Variants in P4HTM observed in about 807,000 individuals in gnomAD.
P4HTM encodes the protein transmembrane prolyl 4-hydroxylase.
Under a neutral mutation model 55.3 loss-of-function variants are expected in P4HTM, and 33 were observed. That is an observed-to-expected ratio of 0.60 (90% CI 0.45 to 0.80). The LOEUF is 0.80. Among genes scored for constraint, P4HTM ranks in the 30% least tolerant of loss-of-function variants. The pLI is 0.00. For missense variants in P4HTM, 542 were observed against 696.5 expected (o/e 0.78, Z 2.50); for synonymous variants, 272 against 286.4 (o/e 0.95, Z 0.51).
intron 6 of P4HTM, chr3:49,005,392 G>A (rs1350078534): frequency 2.1e-6 from 3 of 1,406,838 alleles, no homozygotes; most frequent in African/African-American, 2.9e-5. Flanking sequence ...AGCTGAAGCT[G>A]TGCCTCCCTC....
At chr3:48,990,065 TG>T (rs2092925744), upstream of P4HTM, 1 of 293,646 alleles carries the variant, frequency 3.4e-6, no homozygotes, top group Admixed American at 5.9e-5. The surrounding 1 kb of genome is among the most constrained non-coding windows in gnomAD (Gnocchi z 7.2). Flanking sequence ...AGCCCCAGCG[TG>T]GGCTGGGGCT....
chr3:49,001,033 A>G, intron 2 of P4HTM: 4 of 288,360 alleles, frequency 1.4e-5, no homozygotes, highest in Non-Finnish European at 1.4e-5. Flanking sequence ...AAAAGTTAAA[A>G]TGAAAGCAAG....
chr3:49,004,885 G>A lies in P4HTM; in HGVS notation c.912G>A (p.Ser304=), dbSNP rs149713068. ...RQRVLRLTRL[S]PEIVELSEPL... The stretch of plus-strand genomic sequence containing the variant: ...GGGTGCTGCGCCTCACTCGCCTGTC[G>A]CCTGAGATCGTGGAGCTCAGCGAGC... Residue 304 remains serine, a synonymous_variant, in exon 6 of 9, where the codon TCG becomes TCA. Transcript: ENST00000383729. 162 of 1,610,732 alleles carry A rather than the reference G, an allele frequency of 1.0e-4. 1 individual carries two copies. The Middle Eastern group carries it at 1.3e-3, about 13-fold the overall frequency.
rs146095929 is a variant in P4HTM at position 49,004,240 on chromosome 3, C to G, written c.867C>G (p.Ile289Met). 33 of 1,548,398 alleles carry G rather than the reference C, an allele frequency of 2.1e-5. No individual in the cohort carries two copies. The African/African-American group carries it at 4.2e-4, about 20-fold the overall frequency. ...WLYQGEGAHH[I>M]MRAIRQRVLR... ...ACCAGGGTGAGGGTGCCCACCACAT[C>G]ATGCGTGCCATCCGCCAGAGGTGAG... Residue 289 changes from isoleucine to methionine, a missense_variant, in exon 5 of 9, where the codon ATC (isoleucine) becomes ATG (methionine). By Grantham distance (10) the Ile-to-Met change is conservative. Around this residue, in one of 2 missense-constraint regions of P4HTM, gnomAD observed 536 missense variants for 672.1 expected, o/e 0.80. Transcript: ENST00000383729.
At chr3:49,006,255 T>G in intron 8 of P4HTM, 68 bp downstream of exon 8, 3 of 1,535,252 alleles carry the variant, frequency 2.0e-6, no homozygotes, top group Non-Finnish European at 2.7e-6. Context: ...AGCCCCCGTC[T>G]GCCACAATGG....
intron 2 of P4HTM, 36 bp from the exon 3 acceptor site, chr3:49,001,400 GCT>G: frequency 6.2e-7 from 1 of 1,604,552 alleles, no homozygotes; most frequent in Non-Finnish European, 8.5e-7. Flanking sequence ...CAGCGCCCTG[GCT>G]CAGTCCTTGG....
chr3:48,993,102 C>T (rs923407911), intron 2 of P4HTM, among the ~76,000 whole-genome samples: 2 of 151,788 alleles, frequency 1.3e-5, no homozygotes, highest in East Asian at 2.0e-4. Context: ...TCAGGTTGTT[C>T]GGGACCAGCC....
intron 3 of P4HTM, 34 bp downstream of exon 3, chr3:49,001,662 G>A (rs1236381317): frequency 6.4e-7 from 1 of 1,567,920 alleles, no homozygotes; most frequent in Admixed American, 1.7e-5. Context: ...GGCTCAGGGT[G>A]GGAGTGCCCA....
Position 49,002,368 on chromosome 3 carries a change from A to G in P4HTM, c.628-132A>G, listed in dbSNP as rs532608285. 2.1e-5 allele frequency: 15 copies of G among 714,728 alleles called. No individual in the cohort carries two copies. Among genetic ancestry groups the G allele is most frequent in the South Asian group, 6.7e-5 (4 of 60,002 alleles). The allele number at this position is 714,728 out of a possible 1,614,324, so 44.3% of individuals were successfully genotyped here. A position where few individuals can be genotyped will look rare whatever the true frequency, so the allele number is the denominator to read the frequency against. On this transcript the variant is annotated intron_variant, in intron 3 of 8. Coordinates refer to ENST00000383729, the MANE Select transcript of P4HTM (RefSeq NM_177939.3). This position sits in a 1 kb window ranked among gnomAD's most constrained non-coding sequence, Gnocchi z 4.4. ...TTCTACCTGCACTCACTTTGGCCCAATGGGCTCTGCCCTGTGTCCTCATCC... is the reference window on the plus strand; with the variant it reads ...TTCTACCTGCACTCACTTTGGCCCAGTGGGCTCTGCCCTGTGTCCTCATCC...
In P4HTM at chr3:48,990,378, G is replaced by A; in HGVS notation, c.122G>A (p.Gly41Asp). ...QAQAAAGLGD[G>D]EDAPVRPLCK... ...CAGGCGGCGGCCGGGCTGGGCGACG[G>A]CGAGGACGCACCGGTGCGTCCGCTG... is the stretch of plus-strand genomic sequence containing the variant. Residue 41 changes from glycine (G) to aspartate (D), a missense_variant, in exon 1 of 9, where the codon GGC (glycine) becomes GAC (aspartate). Gly to Asp is a moderately conservative substitution (Grantham distance 94, BLOSUM62 -1). Coordinates refer to ENST00000383729, the MANE Select transcript of P4HTM (RefSeq NM_177939.3). This position sits in a 1 kb window ranked among gnomAD's most constrained non-coding sequence, Gnocchi z 7.2. The A allele has an allele frequency of 1.3e-6, 2 of 1,585,380 alleles. No individual in the cohort carries two copies. Among genetic ancestry groups the A allele is most frequent in the East Asian group, 2.3e-5 (1 of 43,650 alleles).
chr3:48,990,521 G>T lies in P4HTM; in HGVS notation c.265G>T (p.Glu89Ter). The T allele has an allele frequency of 1.2e-6, 2 of 1,611,128 alleles. No homozygotes were observed. ...CTTCGTGCACTACAGCAACGGCGACGAAAGCAGCGATCCCGGGCCCCAACA... is the reference window on the plus strand; with the variant it reads ...CTTCGTGCACTACAGCAACGGCGACTAAAGCAGCGATCCCGGGCCCCAACA... ...LLFVHYSNGD[E>*]SSDPGPQHRA... Residue 89 changes from glutamate to a stop codon, truncating the protein, a stop_gained, in exon 1 of 9, where the codon GAA becomes TAA. Coordinates refer to ENST00000383729, the MANE Select transcript of P4HTM (RefSeq NM_177939.3). LOFTEE classifies it high-confidence loss of function. The surrounding 1 kb of genome is among the most constrained non-coding windows in gnomAD (Gnocchi z 7.2).
rs1431691233 is a variant in P4HTM at position 48,990,538 on chromosome 3, G to C, written c.282G>C (p.Gly94=). ...ACGGCGACGAAAGCAGCGATCCCGGGCCCCAACACCGTGCCCAGGGCCCCG... is the reference window on the plus strand; with the variant it reads ...ACGGCGACGAAAGCAGCGATCCCGGCCCCCAACACCGTGCCCAGGGCCCCG... ...YSNGDESSDP[G]PQHRAQGPGP... is the part of the protein sequence containing the mutation. The change falls in exon 1 of 9, where the codon GGG becomes GGC. Residue 94 remains glycine (G), a synonymous_variant. Transcript: ENST00000383729. This position sits in a 1 kb window ranked among gnomAD's most constrained non-coding sequence, Gnocchi z 7.2. 1 of 1,610,614 alleles carries C rather than the reference G, an allele frequency of 6.2e-7. No homozygotes were observed. The highest frequency in any genetic ancestry group is 1.1e-5 in the South Asian group (1 of 90,880).
At chr3:49,003,080 A>G in intron 4 of P4HTM, 1 of 301,022 alleles carries the variant, frequency 3.3e-6, no homozygotes, top group South Asian at 3.0e-5. Flanking sequence ...AGCGCCTAAA[A>G]TGGTAGTGCT....
At position 49,007,109 on chromosome 3, in the gene P4HTM, G is replaced by A; in HGVS notation, c.*202G>A. On this transcript the variant is annotated 3_prime_UTR_variant, in exon 9 of 9. Transcript: ENST00000383729. This position sits in a 1 kb window ranked among gnomAD's most constrained non-coding sequence, Gnocchi z 5.1. ...TGCCCCGTCAAATAAAAAACCACAAGGTTCGAGCCGCCGGGCCCGACAAAC... is the reference window on the plus strand; with the variant it reads ...TGCCCCGTCAAATAAAAAACCACAAAGTTCGAGCCGCCGGGCCCGACAAAC... 1.5e-6 allele frequency: 1 copy of A among 682,610 alleles called. No individual in the cohort carries two copies. Among genetic ancestry groups the A allele is most frequent in the Non-Finnish European group, 2.4e-6 (1 of 413,170 alleles). The allele number at this position is 682,610 out of a possible 1,614,324, so 42.3% of individuals were successfully genotyped here. A position where few individuals can be genotyped will look rare whatever the true frequency, so the allele number is the denominator to read the frequency against.
Position 49,006,114 on chromosome 3 carries a change from C to T in P4HTM, c.1215C>T (p.Asp405=). ...VDLRDTRRHC[D]KGNLRVKPQQ... is the part of the protein sequence containing the mutation. Reference sequence around the variant, plus strand: ...TCCGTGACACACGGAGGCACTGTGACAAGGGAAACCTGCGTGTCAAGCCCC... The same window carrying T: ...TCCGTGACACACGGAGGCACTGTGATAAGGGAAACCTGCGTGTCAAGCCCC... Residue 405 remains aspartate (D), a synonymous_variant, in exon 8 of 9, where the codon GAC becomes GAT. Coordinates refer to ENST00000383729, the MANE Select transcript of P4HTM (RefSeq NM_177939.3). 2 of 1,613,026 alleles carry T rather than the reference C, an allele frequency of 1.2e-6. No homozygotes were observed. Among genetic ancestry groups the T allele is most frequent in the Non-Finnish European group, 1.7e-6 (2 of 1,179,954 alleles).
chr3:48,996,975 C>T (rs2092947699), intron 2 of P4HTM, among the ~76,000 whole-genome samples: 1 of 152,216 alleles, frequency 6.6e-6, no homozygotes, highest in South Asian at 2.1e-4. Context: ...GCCTGGGAGC[C>T]TGTCTGTCCT....
chr3:49,005,353 C>CA, intron 6 of P4HTM: 3 of 1,420,388 alleles, frequency 2.1e-6, no homozygotes, highest in Non-Finnish European at 2.7e-6. Context: ...CCCATTCCTC[C>CA]AGGTGTTGAT....
At chr3:48,995,753 T>A (rs1223656856) in intron 2 of P4HTM, among the ~76,000 whole-genome samples, 1 of 152,150 alleles carries the variant, frequency 6.6e-6, no homozygotes, top group Non-Finnish European at 1.5e-5. Flanking sequence ...GCCCAGCTAA[T>A]TTTTGTATTT....
chr3:49,001,189 C>G (rs1248877776), intron 2 of P4HTM: 1 of 536,240 alleles, frequency 1.9e-6, no homozygotes, highest in Non-Finnish European at 3.4e-6. Context: ...GCTCACCTCC[C>G]AGGGCTCTCC....
Sources: gnomAD v4.1 joint callset for allele counts (sites outside exome capture counted in the v4.1 genomes callset) on GRCh38, gnomAD v4.1.1 for gene constraint, gnomAD v4.1.1 regional missense constraint, Gnocchi (gnomAD v3.1) non-coding constraint, MANE v1.5 for transcripts, NCBI Gene and HGNC (gene_info 2026-07-23, HGNC 2026-07-21) for gene names.